KCNQ3: variants seen among roughly 807,000 people sequenced by gnomAD.
The protein encoded by KCNQ3 is potassium voltage-gated channel subfamily Q member 3.
A neutral mutation model predicts 92.5 loss-of-function variants in KCNQ3; 30 were observed. That is an observed-to-expected ratio of 0.32 (90% CI 0.24 to 0.44). The LOEUF is 0.44. Among genes scored for constraint, KCNQ3 ranks in the 20% least tolerant of loss-of-function variants. The probability of loss-of-function intolerance (pLI) is 1.00; values close to 1 mark genes in which losing one functional copy is unlikely to be tolerated. For synonymous variants in KCNQ3, 450 were observed against 468.8 expected, an observed-to-expected ratio of 0.96 and a Z score of 0.52; for missense variants, 913 against 1,140.3, an observed-to-expected ratio of 0.80 and a Z score of 2.87.
At chr8:132,464,965 C>T (rs1354702238) in intron 1 of KCNQ3, among the ~76,000 whole-genome samples, 3 of 152,064 alleles carry the variant, frequency 2.0e-5, no homozygotes, top group Non-Finnish European at 4.4e-5. Context: ...GTATACAAAA[C>T]CTAAAGGATT....
chr8:132,192,704 C>T (rs541662514), intron 1 of KCNQ3, among the ~76,000 whole-genome samples: 1 of 152,308 alleles, frequency 6.6e-6, no homozygotes, highest in Admixed American at 6.5e-5. Context: ...GGCTGGAGTG[C>T]AGTGACGCAA....
At chr8:132,226,007 C>T (rs191606115) in intron 1 of KCNQ3, among the ~76,000 whole-genome samples, 5 of 152,130 alleles carry the variant, frequency 3.3e-5, no homozygotes, top group Non-Finnish European at 4.4e-5. Context: ...CATGGTGGCT[C>T]AAGCCTGTAA....
At chr8:132,313,463 G>C (rs1164410523) in intron 1 of KCNQ3, among the ~76,000 whole-genome samples, 2 of 151,918 alleles carry the variant, frequency 1.3e-5, no homozygotes, top group Non-Finnish European at 2.9e-5. Context: ...TATTTTAGAA[G>C]ACTAACCCAC....
chr8:132,406,346 A>G (rs1213138915), intron 1 of KCNQ3, among the ~76,000 whole-genome samples: 1 of 152,170 alleles, frequency 6.6e-6, no homozygotes, highest in African/African-American at 2.4e-5. Context: ...ACAGTGGAGA[A>G]CTTCGACATT....
chr8:132,137,967 G>C lies in KCNQ3; in HGVS notation c.1618C>G (p.Pro540Ala). The C allele has an allele frequency of 6.2e-7, 1 of 1,613,486 alleles. No individual in the cohort carries two copies. The change falls in exon 12 of 15, where the codon CCT becomes GCT. Residue 540 changes from proline (P) to alanine (A), a missense_variant. Transcript: ENST00000388996. ...TCAATCACATCCTTCACATCGTAAG[G>C]CCTCAAAGTCTCCTTGAATTTTTTT... ...YKKKFKETLR[P>A]YDVKDVIEQY... is the part of the protein sequence containing the mutation.
At chr8:132,466,077 C>T (rs985752946) in intron 1 of KCNQ3, among the ~76,000 whole-genome samples, 2 of 152,152 alleles carry the variant, frequency 1.3e-5, no homozygotes, top group Admixed American at 6.5e-5. Flanking sequence ...CCAGGTTTTG[C>T]GGTGCTTCTG....
intron 1 of KCNQ3, among the ~76,000 whole-genome samples, chr8:132,218,855 A>T (rs1214516669): frequency 6.6e-6 from 1 of 152,208 alleles, no homozygotes. Flanking sequence ...GCAGAAACAC[A>T]TGGAGGCCCA....
At chr8:132,205,416 C>G (rs1813623737) in intron 1 of KCNQ3, among the ~76,000 whole-genome samples, 1 of 152,254 alleles carries the variant, frequency 6.6e-6, no homozygotes, top group Non-Finnish European at 1.5e-5. Flanking sequence ...TGGACACCCA[C>G]TTTGCCATGA....
chr8:132,136,146 A>AAAAG (rs1563765951), intron 12 of KCNQ3, among the ~76,000 whole-genome samples: 3 of 137,012 alleles, frequency 2.2e-5, no homozygotes, highest in African/African-American at 5.2e-5. Flanking sequence ...AAAAAAAAAA[A>AAAAG]GAAAAGAGAA....
chr8:132,406,261 G>A (rs1046478349), intron 1 of KCNQ3, among the ~76,000 whole-genome samples: 6 of 152,122 alleles, frequency 3.9e-5, no homozygotes, highest in East Asian at 1.9e-4. Flanking sequence ...TGGATCAAGC[G>A]GGGCTTGGAA....
intron 1 of KCNQ3, among the ~76,000 whole-genome samples, chr8:132,347,246 A>G (rs1207527418): frequency 6.6e-6 from 1 of 152,198 alleles, no homozygotes; most frequent in Non-Finnish European, 1.5e-5. Context: ...AATTCCTGCC[A>G]AGTCCCTGGC....
chr8:132,378,632 G>T (rs1329886056), intron 1 of KCNQ3, among the ~76,000 whole-genome samples: 1 of 152,070 alleles, frequency 6.6e-6, no homozygotes, highest in African/African-American at 2.4e-5. Context: ...GAATATTTTT[G>T]TTTGTTTTCC....
At chr8:132,348,671 C>T (rs1475379407) in intron 1 of KCNQ3, among the ~76,000 whole-genome samples, 1 of 152,210 alleles carries the variant, frequency 6.6e-6, no homozygotes, top group African/African-American at 2.4e-5. Context: ...CTTCTCTCCT[C>T]TTCACAGAGG....
intron 1 of KCNQ3, among the ~76,000 whole-genome samples, chr8:132,387,918 C>T (rs1233903277): frequency 6.6e-6 from 1 of 150,842 alleles, no homozygotes; most frequent in East Asian, 2.0e-4. Context: ...TATACTCCAG[C>T]CTGGGCAACA....
intron 1 of KCNQ3, among the ~76,000 whole-genome samples, chr8:132,470,250 T>A (rs1329382702): frequency 1.3e-5 from 2 of 152,212 alleles, no homozygotes; most frequent in African/African-American, 4.8e-5. Context: ...ATGCCTGTCA[T>A]CTGGACTCAC....
chr8:132,159,331 C>T (rs1030735822), intron 9 of KCNQ3, among the ~76,000 whole-genome samples: 1 of 152,134 alleles, frequency 6.6e-6, no homozygotes, highest in Non-Finnish European at 1.5e-5. Context: ...CTATTCTTTT[C>T]AAGAACTGAG....
chr8:132,249,988 C>T (rs1179351533), intron 1 of KCNQ3, among the ~76,000 whole-genome samples: 6 of 152,272 alleles, frequency 3.9e-5, no homozygotes, highest in African/African-American at 1.4e-4. Flanking sequence ...CCGGAACTTG[C>T]GCTGGCCCAC....
intron 1 of KCNQ3, among the ~76,000 whole-genome samples, chr8:132,476,294 C>T (rs1021068699): frequency 6.6e-6 from 1 of 152,230 alleles, no homozygotes; most frequent in Non-Finnish European, 1.5e-5. Flanking sequence ...CAATGGGACA[C>T]TGCCTAGTTG....
At chr8:132,308,022 G>A (rs1376471507) in intron 1 of KCNQ3, among the ~76,000 whole-genome samples, 1 of 152,188 alleles carries the variant, frequency 6.6e-6, no homozygotes, top group East Asian at 1.9e-4. Flanking sequence ...CCAGAAACAA[G>A]CACTAAAGCT....
Sources: allele counts gnomAD v4.1 joint callset (sites outside exome capture counted in the v4.1 genomes callset), GRCh38; gene constraint gnomAD v4.1.1; transcripts MANE v1.5; gene names NCBI Gene and HGNC (gene_info 2026-07-23, HGNC 2026-07-21).